Variants in AK9 observed in about 807,000 individuals in gnomAD.
The protein encoded by AK9 is adenylate kinase 9, also known as adenylate kinase domain containing 1.
A neutral mutation model predicts 239.6 loss-of-function variants in AK9; 191 were observed. The observed-to-expected ratio is 0.80, with a 90% CI of 0.71 to 0.90. The LOEUF (loss-of-function observed/expected upper bound fraction) is 0.90. AK9 is among the 40% of genes least tolerant of loss of function. AK9 has a pLI of 0.00. For synonymous variants in AK9, 689 were observed against 721.0 expected (o/e 0.96, Z 0.71); for missense variants, 1,995 against 2,214.7 (o/e 0.90, Z 1.99).
At chr6:109,522,056 G>C (rs1383572676) in intron 29 of AK9, among the ~76,000 whole-genome samples, 3 of 152,076 alleles carry the variant, frequency 2.0e-5, no homozygotes, top group East Asian at 1.9e-4. Flanking sequence ...GCTAAGTACA[G>C]AGTTCTAGGC....
At chr6:109,570,152 C>T (rs934277662) in intron 21 of AK9, among the ~76,000 whole-genome samples, 1 of 152,060 alleles carries the variant, frequency 6.6e-6, no homozygotes, top group Non-Finnish European at 1.5e-5. Flanking sequence ...AAGCTGGAAA[C>T]CATCATTCTC....
intron 6 of AK9, among the ~76,000 whole-genome samples, chr6:109,660,756 G>C (rs1562571371): frequency 1.3e-5 from 2 of 152,182 alleles, no homozygotes; most frequent in Admixed American, 1.3e-4. Flanking sequence ...AGTGCTCAGT[G>C]TCACCTGGAG....
chr6:109,642,046 G>A (rs1396641263), intron 9 of AK9, among the ~76,000 whole-genome samples: 1 of 152,170 alleles, frequency 6.6e-6, no homozygotes, highest in Non-Finnish European at 1.5e-5. Flanking sequence ...TGATTGCCAT[G>A]TGAAGATGGA....
intron 15 of AK9, among the ~76,000 whole-genome samples, chr6:109,613,130 G>A (rs1005423314): frequency 6.6e-6 from 1 of 151,064 alleles, no homozygotes; most frequent in African/African-American, 2.4e-5. Flanking sequence ...GCCTGATTGA[G>A]AGAAAGACTT....
At chr6:109,592,802 T>C (rs575118922) in intron 17 of AK9, among the ~76,000 whole-genome samples, 2 of 151,740 alleles carry the variant, frequency 1.3e-5, no homozygotes, top group African/African-American at 4.8e-5. Flanking sequence ...AGGATTTTTT[T>C]CCCTTCACAT....
intron 15 of AK9, 91 bp from the exon 16 acceptor site, chr6:109,612,184 C>A: frequency 1.3e-6 from 1 of 763,938 alleles, no homozygotes; most frequent in Admixed American, 3.4e-5. Context: ...GCCTAGGGAA[C>A]CAGGACTCAC....
intron 28 of AK9, among the ~76,000 whole-genome samples, chr6:109,531,926 A>T (rs1781330892): frequency 6.6e-6 from 1 of 152,190 alleles, no homozygotes; most frequent in African/African-American, 2.4e-5. Context: ...GGCCTGGGAC[A>T]TGCAACCTTA....
intron 32 of AK9, among the ~76,000 whole-genome samples, chr6:109,511,787 A>T (rs943971684): frequency 1.3e-5 from 2 of 152,108 alleles, no homozygotes; most frequent in African/African-American, 4.8e-5. Flanking sequence ...TGTTTTTTTT[A>T]AAGTTCTAAC....
Position 109,533,467 on chromosome 6 carries a change from G to A in AK9, c.3354C>T (p.Ser1118=), listed in dbSNP as rs746344760. The part of the protein sequence containing the change: ...SEWWLKEPIR[S]TGFILDGFPR... Reference sequence around the variant, plus strand: ...GGAAACCATCTAATATAAAACCTGTGGAACTGGTGGAAATTTTCATAATTT... The same window carrying A: ...GGAAACCATCTAATATAAAACCTGTAGAACTGGTGGAAATTTTCATAATTT... The change falls in exon 28 of 41, where the codon TCC becomes TCT. Residue 1118 remains serine (S), a synonymous_variant. Coordinates refer to ENST00000424296, the MANE Select transcript of AK9 (RefSeq NM_001145128.3). 1.3e-6 allele frequency: 2 copies of A among 1,564,376 alleles called. No homozygotes were observed. Among genetic ancestry groups the A allele is most frequent in the Admixed American group, 4.2e-5 (2 of 47,224 alleles).
intron 24 of AK9, among the ~76,000 whole-genome samples, chr6:109,551,780 A>AG (rs1459652112): frequency 6.4e-5 from 9 of 141,364 alleles, no homozygotes; most frequent in South Asian, 5.3e-4. Context: ...CAAAAAAAAA[A>AG]AGGGGGGTAC....
At chr6:109,645,826 T>C (rs1281719291) in intron 8 of AK9, among the ~76,000 whole-genome samples, 4 of 152,168 alleles carry the variant, frequency 2.6e-5, no homozygotes, top group African/African-American at 4.8e-5. Context: ...TGACACCTCA[T>C]ACAGCCAAGA....
At position 109,514,234 on chromosome 6, in the gene AK9, C is replaced by G. The variant is rs1341051039; in HGVS notation, c.4269G>C (p.Gly1423=). 6.4e-7 allele frequency: 1 copy of G among 1,550,402 alleles called. No homozygotes were observed. Among genetic ancestry groups the G allele is most frequent in the African/African-American group, 1.4e-5 (1 of 72,858 alleles). The change falls in exon 32 of 41, where the codon GGG becomes GGC. Residue 1423 remains glycine (G), a synonymous_variant. Transcript: ENST00000424296. Reference sequence around the variant, plus strand: ...CAAACATACGCTCACCTGTAGTTTTCCCAGATTTTGGAGGCCCCACAATTA... The same window carrying G: ...CAAACATACGCTCACCTGTAGTTTTGCCAGATTTTGGAGGCCCCACAATTA... ...RIIIVGPPKS[G]KTTVAKKITS...
chr6:109,646,982 C>T (rs1263088176), intron 8 of AK9, among the ~76,000 whole-genome samples: 9 of 152,106 alleles, frequency 5.9e-5, no homozygotes, highest in African/African-American at 2.2e-4. Flanking sequence ...TCATATCCAG[C>T]CAAACTAAGC....
intron 17 of AK9, among the ~76,000 whole-genome samples, chr6:109,598,070 T>A (rs1033024069): frequency 2.0e-5 from 3 of 151,954 alleles, no homozygotes; most frequent in African/African-American, 7.2e-5. Flanking sequence ...TTTGTGTAAT[T>A]TATATATATA....
intron 2 of AK9, 102 bp downstream of exon 2, chr6:109,675,525 CAA>C (rs1284522331): frequency 1.4e-6 from 1 of 725,712 alleles, no homozygotes; most frequent in Admixed American, 3.8e-5. Flanking sequence ...ATCAGACACT[CAA>C]AAAATGAGCA....
At chr6:109,659,593 C>T (rs1321329) in intron 6 of AK9, among the ~76,000 whole-genome samples, 180 bp from the exon 7 acceptor site, 3,873 of 152,076 alleles carry the variant, frequency 0.025, 93 homozygotes, top group East Asian at 0.11. Context: ...GAGGCTCAGA[C>T]ACTAATTTTA....
At chr6:109,570,604 G>A (rs1189950094) in intron 21 of AK9, among the ~76,000 whole-genome samples, 1 of 152,066 alleles carries the variant, frequency 6.6e-6, no homozygotes, top group Admixed American at 6.6e-5. Context: ...TTAGGAGAGA[G>A]GCAATAAGGT....
chr6:109,567,626 C>T (rs1388425273), intron 21 of AK9, among the ~76,000 whole-genome samples: 3 of 150,626 alleles, frequency 2.0e-5, no homozygotes, highest in South Asian at 4.2e-4. Flanking sequence ...AGCAAAATAT[C>T]GCAAGGACAG....
At chr6:109,509,482 G>T in intron 32 of AK9, 102 bp from the exon 33 acceptor site, 1 of 1,032,824 alleles carries the variant, frequency 9.7e-7, no homozygotes, top group Non-Finnish European at 1.4e-6. Flanking sequence ...TCAGGTTTGG[G>T]CTTCTAATGA....
Sources: gnomAD v4.1 joint callset for allele counts (sites outside exome capture counted in the v4.1 genomes callset) on GRCh38, gnomAD v4.1.1 for gene constraint, MANE v1.5 for transcripts, NCBI Gene and HGNC (gene_info 2026-07-23, HGNC 2026-07-21) for gene names.